NBEA: variants seen among roughly 807,000 people sequenced by gnomAD.
NBEA encodes the protein lysosomal-trafficking regulator 2.
NBEA carries 44 observed loss-of-function variants against 343.4 expected under a neutral mutation model. The ratio of observed to expected loss-of-function variants is 0.13; its 90% CI spans 0.10 to 0.16. The LOEUF is 0.16. NBEA is among the 10% of genes least tolerant of loss of function. The pLI is 1.00. For synonymous variants in NBEA, 1,175 were observed against 1,238.7 expected (o/e 0.95, Z 1.08); for missense variants, 2,555 against 3,631.3 (o/e 0.70, Z 7.62).
At chr13:35,173,285 T>G (rs2070612809) in intron 26 of NBEA, among the ~76,000 whole-genome samples, 179 bp from the exon 27 acceptor site, 1 of 152,122 alleles carries the variant, frequency 6.6e-6, no homozygotes, top group Non-Finnish European at 1.5e-5. Context: ...ATGTATATTT[T>G]GTAGGTACTT....
At chr13:35,144,996 G>T (rs188427828) in intron 18 of NBEA, among the ~76,000 whole-genome samples, 2 of 152,208 alleles carry the variant, frequency 1.3e-5, no homozygotes, top group African/African-American at 4.8e-5. Flanking sequence ...GGTTTGAGCA[G>T]TGGGATTATA....
At chr13:35,375,001 A>C (rs2041657440) in intron 38 of NBEA, among the ~76,000 whole-genome samples, 1 of 152,184 alleles carries the variant, frequency 6.6e-6, no homozygotes, top group African/African-American at 2.4e-5. Flanking sequence ...CAAGAGAAAC[A>C]ATACCAACTT....
At position 34,962,155 on chromosome 13, in the gene NBEA, A is replaced by C. The variant is rs1243691818; in HGVS notation, c.294+19041A>C. 4.6e-5 allele frequency among the ~76,000 whole-genome samples: 7 copies of C among 152,036 alleles called. No homozygotes were observed. The East Asian group carries it at 1.3e-3, about 29-fold the overall frequency. ...GACTTGCGCTGTATTTTTATTGGCT[A>C]TCAGTGGTCTGGAGATTTCTGAAAT... On this transcript the variant is annotated intron_variant, in intron 1 of 58. Coordinates refer to ENST00000379939, the MANE Select transcript of NBEA (RefSeq NM_001385012.1).
intron 41 of NBEA, among the ~76,000 whole-genome samples, chr13:35,500,211 C>T (rs923675738): frequency 6.6e-6 from 1 of 152,116 alleles, no homozygotes; most frequent in South Asian, 2.1e-4. Context: ...TTTGCAAGAG[C>T]TTTCCTGAAC....
chr13:35,159,489 A>G lies in NBEA; in HGVS notation c.3318A>G (p.Lys1106=), dbSNP rs777794024. The G allele has an allele frequency of 1.6e-5, 26 of 1,613,032 alleles. No individual in the cohort carries two copies. Among genetic ancestry groups the G allele is most frequent in the Non-Finnish European group, 2.2e-5 (26 of 1,179,626 alleles). ...ATGTATATAGTGCTGCTGTTGAGAA[A>G]CTCCAGAACAATGTACATGGAAGTG... The part of the protein sequence containing the change: ...LDNVYSAAVE[K]LQNNVHGSVG... The change falls in exon 22 of 59, where the codon AAA becomes AAG. Residue 1106 remains lysine (K), a synonymous_variant. Transcript: ENST00000379939.
chr13:35,001,583 A>G (rs2061141534), intron 1 of NBEA, among the ~76,000 whole-genome samples: 2 of 152,140 alleles, frequency 1.3e-5, no homozygotes, highest in South Asian at 4.1e-4. Flanking sequence ...AAAGATAAAT[A>G]CCACATGTTC....
intron 41 of NBEA, among the ~76,000 whole-genome samples, chr13:35,548,974 G>A (rs1251439147): frequency 2.0e-5 from 3 of 152,122 alleles, no homozygotes; most frequent in African/African-American, 7.2e-5. Context: ...CTTTGTCTCT[G>A]CTTAAACTAA....
intron 11 of NBEA, among the ~76,000 whole-genome samples, chr13:35,104,767 A>G (rs1048442880): frequency 1.3e-5 from 2 of 151,880 alleles, no homozygotes; most frequent in African/African-American, 4.8e-5. Context: ...TCCACGAAAA[A>G]ATTTTTAGGT....
chr13:35,592,236 C>T (rs1430849566), intron 46 of NBEA, among the ~76,000 whole-genome samples: 2 of 152,150 alleles, frequency 1.3e-5, no homozygotes, highest in East Asian at 3.9e-4. Flanking sequence ...ACAATAGTCA[C>T]AGAATGCAAA....
chr13:35,362,718 T>A (rs1336552463), intron 38 of NBEA, among the ~76,000 whole-genome samples: 8 of 152,038 alleles, frequency 5.3e-5, no homozygotes. Context: ...ATGAGAGCTA[T>A]GTAAATGTAC....
At chr13:34,951,647 T>C (rs544690838) in intron 1 of NBEA, among the ~76,000 whole-genome samples, 1 of 152,312 alleles carries the variant, frequency 6.6e-6, no homozygotes, top group African/African-American at 2.4e-5. Context: ...GTGCCTGAGG[T>C]AGTTTTTCTG....
At chr13:35,492,242 A>C (rs1405258679) in intron 41 of NBEA, among the ~76,000 whole-genome samples, 2 of 151,914 alleles carry the variant, frequency 1.3e-5, no homozygotes, top group Non-Finnish European at 2.9e-5. Flanking sequence ...AATTGGGTTT[A>C]ATGTATACTG....
chr13:35,075,484 A>G (rs1405273137), intron 10 of NBEA, among the ~76,000 whole-genome samples: 3 of 152,034 alleles, frequency 2.0e-5, no homozygotes, highest in Admixed American at 1.3e-4. Flanking sequence ...TTTTTCTAGG[A>G]AAAGCATTTT....
chr13:35,623,230 G>A lies in NBEA; in HGVS notation c.7450-4851G>A, dbSNP rs143451450. ...TGTACTAAAAATCCCGTTTCAAAGT[G>A]CCAAATAGGTTTGTATATAAAAATG... On this transcript the variant is annotated intron_variant, in intron 48 of 58. Transcript: ENST00000379939. Among the ~76,000 whole-genome samples the A allele has an allele frequency of 1.1e-4, 17 of 152,190 alleles. 1 individual carries two copies. The East Asian group carries it at 3.3e-3, about 29-fold the overall frequency.
chr13:35,514,827 T>C (rs562403373), intron 41 of NBEA, among the ~76,000 whole-genome samples: 2 of 152,310 alleles, frequency 1.3e-5, no homozygotes, highest in South Asian at 4.1e-4. Flanking sequence ...TAAGAGGTTA[T>C]TAAACTCTAA....
chr13:35,382,554 G>A (rs1257984640), intron 38 of NBEA, among the ~76,000 whole-genome samples: 1 of 152,016 alleles, frequency 6.6e-6, no homozygotes, highest in Admixed American at 6.6e-5. Context: ...AACATTAATT[G>A]CACATAACAA....
At chr13:35,004,736 G>A (rs1456364397) in intron 1 of NBEA, among the ~76,000 whole-genome samples, 2 of 152,170 alleles carry the variant, frequency 1.3e-5, no homozygotes, top group Admixed American at 6.5e-5. Context: ...CTTGGTATAT[G>A]ACATGATGAA....
intron 36 of NBEA, among the ~76,000 whole-genome samples, chr13:35,345,008 T>G (rs1215786863): frequency 6.6e-6 from 1 of 152,104 alleles, no homozygotes; most frequent in Non-Finnish European, 1.5e-5. Context: ...TCAATTCAAC[T>G]GTGTATAAAA....
intron 36 of NBEA, among the ~76,000 whole-genome samples, chr13:35,325,339 T>A (rs996240443): frequency 6.6e-6 from 1 of 151,964 alleles, no homozygotes; most frequent in Non-Finnish European, 1.5e-5. Flanking sequence ...GGTACATAAT[T>A]GTATGTATAC....
Sources: gnomAD v4.1 joint callset for allele counts (sites outside exome capture counted in the v4.1 genomes callset) on GRCh38, gnomAD v4.1.1 for gene constraint, MANE v1.5 for transcripts, NCBI Gene and HGNC (gene_info 2026-07-23, HGNC 2026-07-21) for gene names.